Variants in NRG4 observed in about 807,000 individuals in gnomAD.
NRG4 encodes neuregulin 4.
Under a neutral mutation model 15.0 loss-of-function variants are expected in NRG4, and 10 were observed. That is an observed-to-expected ratio of 0.67 (90% confidence interval 0.41 to 1.13). The LOEUF (loss-of-function observed/expected upper bound fraction) is 1.13. NRG4 is among the 50% of genes most tolerant of loss of function. The pLI, the probability that NRG4 is intolerant of heterozygous loss-of-function variation, is 0.00. For missense variants in NRG4, 139 were observed against 140.2 expected, an observed-to-expected ratio of 0.99 and a Z score of 0.04; for synonymous variants, 41 against 50.1, an observed-to-expected ratio of 0.82 and a Z score of 0.77.
intron 4 of NRG4, among the ~76,000 whole-genome samples, chr15:76,037,645 G>A (rs1266264913): frequency 1.3e-5 from 2 of 152,136 alleles, no homozygotes; most frequent in Non-Finnish European, 2.9e-5. Flanking sequence ...GCAAGTTTTA[G>A]TGTTGAGCTG....
At chr15:75,999,232 A>G (rs189028144) in intron 3 of NRG4, among the ~76,000 whole-genome samples, 1 of 152,192 alleles carries the variant, frequency 6.6e-6, no homozygotes. Context: ...TTCTGCCCTC[A>G]CAGGGCTGAC....
intron 5 of NRG4, among the ~76,000 whole-genome samples, chr15:75,946,028 A>G (rs999668069): frequency 6.6e-6 from 1 of 152,198 alleles, no homozygotes; most frequent in Non-Finnish European, 1.5e-5. Context: ...GGGTTATTTG[A>G]ACACAAGCAC....
intron 3 of NRG4, among the ~76,000 whole-genome samples, chr15:75,964,925 T>C (rs1402850903): frequency 1.3e-5 from 2 of 149,016 alleles, no homozygotes; most frequent in South Asian, 2.1e-4. Flanking sequence ...CTATTCCAAA[T>C]AAAAAAAAGA....
intron 5 of NRG4, among the ~76,000 whole-genome samples, chr15:76,018,258 C>T (rs1333580736): frequency 1.3e-5 from 2 of 152,124 alleles, no homozygotes; most frequent in African/African-American, 4.8e-5. Flanking sequence ...AGCTTCCTTG[C>T]ATTGAGTTAG....
intron 3 of NRG4, among the ~76,000 whole-genome samples, chr15:75,999,647 C>G (rs184251260): frequency 6.6e-6 from 1 of 152,142 alleles, no homozygotes; most frequent in Non-Finnish European, 1.5e-5. Flanking sequence ...TATAAATTAT[C>G]CAGTCTCAAG....
intron 1 of NRG4, chr15:76,012,113 G>A (rs1236114746): frequency 1.3e-5 from 2 of 151,994 alleles, no homozygotes; most frequent in Non-Finnish European, 2.9e-5. Context: ...TAACACAGTT[G>A]TAATACCAAG....
In NRG4 at chr15:76,052,825, A is replaced by G. The variant is rs187945908; in HGVS notation, c.-216+113T>C. 277 of 151,302 alleles carry G rather than the reference A, an allele frequency of 1.8e-3. 22 individuals are homozygous for G. The highest frequency in any genetic ancestry group is 6.6e-3 in the African/African-American group (270 of 40,746). 9.4% of individuals were successfully genotyped at this position (151,302 alleles called of 1,614,324 possible). A position where few individuals can be genotyped will look rare whatever the true frequency, so the allele number is the denominator to read the frequency against. The stretch of plus-strand genomic sequence containing the variant: ...GTATTCCAGTCAATAGTTAGAATGC[A>G]ACAATCAATTATTCAGAAGTTTATG... On this transcript the variant is annotated intron_variant, in intron 3 of 8. Transcript: ENST00000563910.
At chr15:75,963,368 G>A (rs756354461) in intron 3 of NRG4, among the ~76,000 whole-genome samples, 1 of 152,148 alleles carries the variant, frequency 6.6e-6, no homozygotes, top group Non-Finnish European at 1.5e-5. Context: ...GGAGGGCCAG[G>A]CACAGTGACT....
rs2036058106 is a variant in NRG4, at chr15:76,053,020, G to A, written c.-261-37C>T. The A allele has an allele frequency of 1.3e-5, 2 of 150,948 alleles. 1 individual carries two copies. The highest frequency in any genetic ancestry group is 1.3e-4 in the Admixed American group (2 of 15,214). The allele number at this position is 150,948 out of a possible 1,614,324, so 9.4% of individuals were successfully genotyped here. A position where few individuals can be genotyped will look rare whatever the true frequency, so the allele number is the denominator to read the frequency against. On this transcript the variant is annotated intron_variant, in intron 2 of 8. Transcript: ENST00000563910. ...TAAAAAGACAAATTTTCTCCTTTAT[G>A]TGAAAATAATCGTAGAATCATAAAA...
At chr15:75,979,454 C>T (rs2454466) in intron 3 of NRG4, among the ~76,000 whole-genome samples, 3,144 of 152,182 alleles carry the variant, frequency 0.021, 109 homozygotes, top group African/African-American at 0.071. Flanking sequence ...AAGAGAAACA[C>T]ACAAACAAGA....
At position 75,975,475 on chromosome 15, in the gene NRG4, A is replaced by T. The variant is rs191904373; in HGVS notation, c.105-13501T>A. Among the ~76,000 whole-genome samples the T allele has an allele frequency of 2.3e-3, 350 of 152,288 alleles. 4 individuals carry two copies. Among genetic ancestry groups the T allele is most frequent in the Non-Finnish European group, 4.3e-4 (29 of 68,038 alleles). On this transcript the variant is annotated intron_variant, in intron 3 of 5. Coordinates refer to ENST00000394907, the MANE Select transcript of NRG4 (RefSeq NM_138573.4). ...TCTTTACAATCTGGCATGTTTTTGCAGTGGCTGGTACTGGTTTTTCCTTTC... is the reference window on the plus strand; with the variant it reads ...TCTTTACAATCTGGCATGTTTTTGCTGTGGCTGGTACTGGTTTTTCCTTTC...
Position 75,952,111 on chromosome 15 carries a change from T to C in NRG4, c.331+3821A>G, listed in dbSNP as rs191878213. 2.1e-4 allele frequency among the ~76,000 whole-genome samples: 32 copies of C among 152,346 alleles called. No individual in the cohort carries two copies. In the East Asian group the frequency reaches 5.4e-3, roughly 26 times the overall value. ...TACAATCACGTACCATAAAATTCAC[T>C]CATTTAAATTGTACAATTCAATGGC... On this transcript the variant is annotated intron_variant, in intron 5 of 5. Coordinates refer to ENST00000394907, the MANE Select transcript of NRG4 (RefSeq NM_138573.4).
intron 4 of NRG4, among the ~76,000 whole-genome samples, chr15:75,961,510 C>T (rs1301259392): frequency 2.6e-5 from 4 of 152,078 alleles, no homozygotes; most frequent in Non-Finnish European, 5.9e-5. Context: ...CCTTTTCTTT[C>T]ACATACAAAA....
At chr15:76,051,680 C>G (rs938851842) in intron 4 of NRG4, among the ~76,000 whole-genome samples, 1 of 149,910 alleles carries the variant, frequency 6.7e-6, no homozygotes, top group Non-Finnish European at 1.5e-5. Flanking sequence ...TCTCCTGCCT[C>G]GGCCTCCAGA....
At chr15:75,956,131 C>T in intron 4 of NRG4, 120 bp from the exon 5 acceptor site, 1 of 621,862 alleles carries the variant, frequency 1.6e-6, no homozygotes, top group South Asian at 1.9e-5. Flanking sequence ...TACAACACAT[C>T]AAATGAAAGT....
At chr15:75,993,699 A>C (rs2034113078) in intron 3 of NRG4, among the ~76,000 whole-genome samples, 3 of 146,796 alleles carry the variant, frequency 2.0e-5, no homozygotes, top group African/African-American at 7.6e-5. Context: ...CTCACTCTCA[A>C]AAAAAAAAAA....
chr15:76,024,067 A>G (rs780725904), intron 5 of NRG4, among the ~76,000 whole-genome samples: 1 of 152,168 alleles, frequency 6.6e-6, no homozygotes, highest in East Asian at 1.9e-4. Flanking sequence ...CAAAGGCCCC[A>G]TGCCTGCAAT....
intron 5 of NRG4, among the ~76,000 whole-genome samples, chr15:75,947,569 A>C (rs540736901): frequency 2.0e-5 from 3 of 152,378 alleles, no homozygotes; most frequent in African/African-American, 7.2e-5. Context: ...ACAAGAACCA[A>C]GGTCTCACAA....
intron 3 of NRG4, among the ~76,000 whole-genome samples, chr15:76,000,114 C>T (rs908791461): frequency 6.6e-6 from 1 of 152,100 alleles, no homozygotes; most frequent in African/African-American, 2.4e-5. Flanking sequence ...GAACTCCTGA[C>T]CTCAGATGAT....
Sources: gnomAD v4.1 joint callset for allele counts (sites outside exome capture counted in the v4.1 genomes callset) on GRCh38, gnomAD v4.1.1 for gene constraint, MANE v1.5 for transcripts, NCBI Gene and HGNC (gene_info 2026-07-23, HGNC 2026-07-21) for gene names.